Variants in BRD8 observed in about 807,000 individuals in gnomAD.
BRD8 encodes bromodomain containing 8.
In BRD8, 67 loss-of-function variants were observed where a neutral mutation model predicts 143.1. The observed-to-expected ratio is 0.47, with a 90% CI of 0.38 to 0.57. The LOEUF (loss-of-function observed/expected upper bound fraction) is 0.57. BRD8 is among the 20% of genes least tolerant of loss of function. The probability of loss-of-function intolerance (pLI) is 0.00; values close to 1 mark genes in which losing one functional copy is unlikely to be tolerated. For synonymous variants in BRD8, 505 were observed against 517.1 expected, an observed-to-expected ratio of 0.98 and a Z score of 0.32; for missense variants, 1,103 against 1,503.0, an observed-to-expected ratio of 0.73 and a Z score of 4.40.
intron 2 of BRD8, among the ~76,000 whole-genome samples, chr5:138,174,889 GTTT>G (rs1168055000): frequency 2.2e-5 from 3 of 137,392 alleles, no homozygotes; most frequent in Admixed American, 7.3e-5. Context: ...ATAAACTCAA[GTTT>G]TTTTTTTTTT....
chr5:138,171,242 CATAG>C (rs1753842853), intron 4 of BRD8, 82 bp from the exon 5 acceptor site: 1 of 1,440,248 alleles, frequency 6.9e-7, no homozygotes, highest in East Asian at 2.3e-5. Flanking sequence ...ACCACTTAAT[CATAG>C]ATAACTTCTG....
intron 25 of BRD8, among the ~76,000 whole-genome samples, chr5:138,141,174 G>T (rs998361157): frequency 6.6e-6 from 1 of 150,836 alleles, no homozygotes; most frequent in African/African-American, 2.4e-5. Flanking sequence ...TTGTTGCCCA[G>T]GCCGGAGTGC....
chr5:138,164,313 T>C lies in BRD8; in HGVS notation c.1825+7A>G, dbSNP rs1352178861. The C allele has an allele frequency of 1.9e-6, 3 of 1,613,254 alleles. No individual in the cohort carries two copies. Among genetic ancestry groups the C allele is most frequent in the Non-Finnish European group, 2.5e-6 (3 of 1,179,318 alleles). On this transcript the variant is annotated splice_region_variant and intron_variant, in intron 13 of 26. Transcript: ENST00000254900. ...ATTTCAAGTCAGTGAAAGAGGACTT[T>C]ATTTACCTGACATTTCAAACTTGTG...
At position 138,178,597 on chromosome 5, in the gene BRD8, G is replaced by A. The variant is rs1211549881; in HGVS notation, c.18C>T (p.Gly6=). The part of the protein sequence containing the change: MATGT[G]KHKLLSTGPT... ...CGCAAAACCTGCTCAGATACTCACT[G>A]CCCGTTCCCGTCGCCATCTTGGCCC... Residue 6 remains glycine, a splice_region_variant and synonymous_variant, in exon 1 of 27, where the codon GGC becomes GGT. Transcript: ENST00000254900. The A allele has an allele frequency of 3.1e-6, 5 of 1,613,578 alleles. No individual in the cohort carries two copies. Among genetic ancestry groups the A allele is most frequent in the Admixed American group, 3.3e-5 (2 of 59,974 alleles).
At position 138,170,239 on chromosome 5, in the gene BRD8, A is replaced by C. The variant is rs564285956; in HGVS notation, c.505+106T>G. 4.8e-6 allele frequency: 4 copies of C among 833,504 alleles called. No homozygotes were observed. The East Asian group carries it at 9.8e-5, about 20-fold the overall frequency. The allele number at this position is 833,504 out of a possible 1,614,324, so 51.6% of individuals were successfully genotyped here. A position where few individuals can be genotyped will look rare whatever the true frequency, so the allele number is the denominator to read the frequency against. On this transcript the variant is annotated intron_variant, in intron 7 of 26. Transcript: ENST00000254900. ...TTATTCTGGTAGAAGAGAAAACTGC[A>C]AGTAAATTTAAATCAATGTATTCTA...
chr5:138,142,873 C>G (rs1028608107), intron 25 of BRD8, among the ~76,000 whole-genome samples: 3 of 151,624 alleles, frequency 2.0e-5, no homozygotes, highest in Non-Finnish European at 4.4e-5. Context: ...TAAGACCAAC[C>G]TGGGCAATCT....
chr5:138,171,098 A>G lies in BRD8; in HGVS notation c.299T>C (p.Leu100Ser), dbSNP rs772856202. 1.2e-6 allele frequency: 2 copies of G among 1,613,800 alleles called. No homozygotes were observed. Among genetic ancestry groups the G allele is most frequent in the Admixed American group, 1.7e-5 (1 of 59,992 alleles). The change falls in exon 5 of 27, where the codon TTG (leucine) becomes TCG (serine). Residue 100 changes from leucine to serine, a missense_variant. By Grantham distance (145) the Leu-to-Ser change is moderately radical. Transcript: ENST00000254900. ...TAGTTCTTCAACTCGCTCAGCAGTC[A>G]ATTTCCGAACAATAACATCTTCAAC... ...ETVEDVIVRK[L>S]TAERVEELKK...
chr5:138,148,158 G>A (rs531899812), intron 23 of BRD8, among the ~76,000 whole-genome samples: 1 of 118,810 alleles, frequency 8.4e-6, no homozygotes, highest in Non-Finnish European at 1.8e-5. Context: ...CTGATGAGCT[G>A]GAAAAAAAAA....
chr5:138,152,321 T>A (rs1752407248), intron 21 of BRD8, among the ~76,000 whole-genome samples, 161 bp downstream of exon 21: 2 of 152,236 alleles, frequency 1.3e-5, no homozygotes, highest in African/African-American at 4.8e-5. Context: ...ATATTCTGTA[T>A]CAGCACCAAG....
In BRD8 at chr5:138,165,947, T is replaced by C; in HGVS notation, c.1159A>G (p.Ser387Gly). ...AEAPVGSKAP[S>G]IDGKEELDLA... Reference sequence around the variant, plus strand: ...TCTAATTCTTCCTTCCCATCTATGCTGGGAGCCTTTGATCCAACAGGAGCC... The same window carrying C: ...TCTAATTCTTCCTTCCCATCTATGCCGGGAGCCTTTGATCCAACAGGAGCC... The change falls in exon 11 of 27, where the codon AGC becomes GGC. Residue 387 changes from serine (S) to glycine (G), a missense_variant. By Grantham distance (56) the Ser-to-Gly change is moderately conservative. Around this residue, in one of 7 missense-constraint regions of BRD8, gnomAD observed 334 missense variants for 372.5 expected, o/e 0.90. Coordinates refer to ENST00000254900, the MANE Select transcript of BRD8 (RefSeq NM_139199.2). The C allele has an allele frequency of 8.1e-6, 13 of 1,614,230 alleles. No individual in the cohort carries two copies. Among genetic ancestry groups the C allele is most frequent in the Non-Finnish European group, 1.0e-5 (12 of 1,180,044 alleles).
chr5:138,165,897 A>G lies in BRD8; in HGVS notation c.1209T>C (p.Ala403=). Residue 403 remains alanine (A), a synonymous_variant, in exon 11 of 27, where the codon GCT becomes GCC. Coordinates refer to ENST00000254900, the MANE Select transcript of BRD8 (RefSeq NM_139199.2). ...CCAGCTCTTCACCTGTGTAAGACAC[A>G]GCAATATCCATCTTCTCAGCCAGAT... ...ELDLAEKMDI[A]VSYTGEELDF... 6.2e-7 allele frequency: 1 copy of G among 1,614,226 alleles called. No homozygotes were observed. The highest frequency in any genetic ancestry group is 8.5e-7 in the Non-Finnish European group (1 of 1,180,034).
chr5:138,163,105 C>T lies in BRD8; in HGVS notation c.2087+25G>A, dbSNP rs775455525. On this transcript the variant is annotated intron_variant, in intron 15 of 26. Coordinates refer to ENST00000254900, the MANE Select transcript of BRD8 (RefSeq NM_139199.2). ...CTCCTCACCTTCACTGCCTTGGCCT[C>T]AAAGAAAGAATCTCAGATACTCACA... 2.5e-6 allele frequency: 4 copies of T among 1,608,712 alleles called. No homozygotes were observed. The East Asian group carries it at 8.9e-5, about 36-fold the overall frequency.
At chr5:138,171,322 C>T (rs1391564166) in intron 4 of BRD8, 39 bp downstream of exon 4, 2 of 1,559,310 alleles carry the variant, frequency 1.3e-6, no homozygotes, top group Non-Finnish European at 8.8e-7. Context: ...ATACTCTCCA[C>T]TAAAGAAATA....
chr5:138,150,632 A>T, intron 22 of BRD8, 113 bp downstream of exon 22: 2 of 1,237,264 alleles, frequency 1.6e-6, no homozygotes, highest in Admixed American at 2.5e-5. Flanking sequence ...TAAATCCAGG[A>T]TTTGGATCCA....
chr5:138,157,063 C>CT lies in BRD8; in HGVS notation c.2577+2491dup, dbSNP rs1752650270. 5 of 1,523,862 alleles carry CT rather than the reference C, an allele frequency of 3.3e-6. No individual in the cohort carries two copies. The Middle Eastern group carries it at 5.3e-4, about 160-fold the overall frequency. 94.4% of individuals were successfully genotyped at this position (1,523,862 alleles called of 1,614,324 possible). A position where few individuals can be genotyped will look rare whatever the true frequency, so the allele number is the denominator to read the frequency against. On this transcript the variant is annotated intron_variant, in intron 20 of 26. Coordinates refer to ENST00000254900, the MANE Select transcript of BRD8 (RefSeq NM_139199.2). ...CAGGCAATTGTGCTACTCCAACTCT[C>CT]TAAGAGAGATTTTCCAGCTCATGTC...
intron 20 of BRD8, chr5:138,157,304 T>C: frequency 6.2e-7 from 1 of 1,613,198 alleles, no homozygotes; most frequent in Non-Finnish European, 8.5e-7. Context: ...GAGCATGAGT[T>C]GGTCAGGAGA....
At chr5:138,155,807 GTGAGCCACCGTGTC>G (rs1752566057) in intron 20 of BRD8, among the ~76,000 whole-genome samples, 2 of 152,028 alleles carry the variant, frequency 1.3e-5, no homozygotes, top group Admixed American at 1.3e-4. Flanking sequence ...GATTACAAGT[GTGAGCCACCGTGTC>G]TGGCCAAATT....
intron 2 of BRD8, among the ~76,000 whole-genome samples, chr5:138,173,136 G>A (rs764605748): frequency 1.8e-4 from 27 of 152,176 alleles, no homozygotes; most frequent in Middle Eastern, 6.8e-3. Context: ...GGTGACTCAC[G>A]CCTGTAATCC....
In BRD8 at chr5:138,175,407, C is replaced by A. The variant is rs1319497085; in HGVS notation, c.116+2164G>T. On this transcript the variant is annotated intron_variant, in intron 2 of 26. Transcript: ENST00000254900. ...AAAGAAAGGGGGTGAGGGGCTGATA[C>A]CGAGAAAGGTAAAATGATGATAGTT... Among the ~76,000 whole-genome samples the A allele has an allele frequency of 2.6e-5, 4 of 151,766 alleles. No individual in the cohort carries two copies. The East Asian group carries it at 7.7e-4, about 29-fold the overall frequency.
Sources: allele counts gnomAD v4.1 joint callset (sites outside exome capture counted in the v4.1 genomes callset), GRCh38; gene constraint gnomAD v4.1.1; regional missense constraint gnomAD v4.1.1; transcripts MANE v1.5; gene names NCBI Gene and HGNC (gene_info 2026-07-23, HGNC 2026-07-21).